Variants in NEMP1 observed in about 807,000 individuals in gnomAD.
NEMP1 encodes the protein nuclear envelope integral membrane protein 1.
In NEMP1, 29 loss-of-function variants were observed where a neutral mutation model predicts 53.7. That is an observed-to-expected ratio of 0.54 (90% CI 0.40 to 0.74). The LOEUF is 0.74. NEMP1 is among the 30% of genes least tolerant of loss of function. The pLI is 0.00. For synonymous variants in NEMP1, 193 were observed against 192.9 expected (o/e 1.00, Z 0.00); for missense variants, 477 against 528.6 (o/e 0.90, Z 0.96).
At chr12:57,087,913 A>G (rs903301046) in intron 1 of NEMP1, 1 of 151,996 alleles carries the variant, frequency 6.6e-6, no homozygotes, top group Non-Finnish European at 1.5e-5. Context: ...GCCTCCCCCA[A>G]CAGCCCTCCC....
chr12:57,079,627 T>C (rs2032782288), upstream of NEMP1, among the ~76,000 whole-genome samples: 1 of 152,320 alleles, frequency 6.6e-6, no homozygotes, highest in African/African-American at 2.4e-5. Context: ...GTTCAGAAAC[T>C]GTTAGTAGAA....
chr12:57,055,970 TTGTTA>T lies in NEMP1; in HGVS notation c.*3904_*3908del, dbSNP rs2031503790. ...TTCTAATATTCACATTATGAACTAT[TTGTTA>T]TGTTGTCATAAGAATGTGCTCATGC... On this transcript the variant is annotated 3_prime_UTR_variant, in exon 9 of 9. Coordinates refer to ENST00000300128, the MANE Select transcript of NEMP1 (RefSeq NM_001130963.2). 1 of 152,268 alleles carries T rather than the reference TTGTTA, an allele frequency of 6.6e-6. No homozygotes were observed. The highest frequency in any genetic ancestry group is 1.5e-5 in the Non-Finnish European group (1 of 68,046). The allele number at this position is 152,268 out of a possible 1,614,324, so 9.4% of individuals were successfully genotyped here.
intron 1 of NEMP1, among the ~76,000 whole-genome samples, chr12:57,074,506 T>C (rs1423634278): frequency 6.6e-6 from 1 of 151,358 alleles, no homozygotes; most frequent in Non-Finnish European, 1.5e-5. Context: ...GGTTTCACCA[T>C]GTTGGCCAGA....
chr12:57,086,916 T>C (rs1565670389), intron 1 of NEMP1, among the ~76,000 whole-genome samples: 1 of 152,224 alleles, frequency 6.6e-6, no homozygotes. Flanking sequence ...TTCTACAATT[T>C]AGAGAGTTTT....
chr12:57,074,839 G>A (rs2032525224), intron 1 of NEMP1, among the ~76,000 whole-genome samples: 2 of 151,798 alleles, frequency 1.3e-5, no homozygotes, highest in African/African-American at 4.8e-5. Context: ...TGAAATCCCA[G>A]CACTTGGGGA....
intron 1 of NEMP1, among the ~76,000 whole-genome samples, chr12:57,077,188 C>T (rs982661917): frequency 5.3e-5 from 8 of 151,628 alleles, no homozygotes; most frequent in African/African-American, 1.9e-4. Flanking sequence ...AAAAATTAGC[C>T]GGGCGTGGTG....
At chr12:57,069,104 A>C (rs902391358) in intron 4 of NEMP1, 130 bp downstream of exon 4, 4 of 535,916 alleles carry the variant, frequency 7.5e-6, no homozygotes, top group East Asian at 3.3e-5. Context: ...ATTTTTTTAA[A>C]TATCCAAGCA....
upstream of NEMP1, among the ~76,000 whole-genome samples, chr12:57,083,357 G>A (rs534172423): frequency 5.3e-5 from 8 of 152,306 alleles, no homozygotes; most frequent in East Asian, 1.5e-3. Flanking sequence ...TTTTAATGAG[G>A]ACACTGCTCA....
Position 57,060,797 on chromosome 12 carries a change from C to G in NEMP1, c.1129G>C (p.Val377Leu), listed in dbSNP as rs757147384. The change falls in exon 8 of 9, where the codon GTT becomes CTT. Residue 377 changes from valine (V) to leucine (L), a missense_variant. By Grantham distance (32) the Val-to-Leu change is conservative. Coordinates refer to ENST00000300128, the MANE Select transcript of NEMP1 (RefSeq NM_001130963.2). ...NSPDCSAWKT[V>L]SRIQSPKRFA... ...CTTTTTGGAGACTGGATTCGAGAAA[C>G]AGTCTTCCAAGCAGAGCAGTCTGGA... The G allele has an allele frequency of 2.0e-5, 32 of 1,612,250 alleles. No individual in the cohort carries two copies. The Admixed American group carries it at 5.0e-4, about 25-fold the overall frequency.
chr12:57,088,425 C>G (rs2033080484), upstream of NEMP1, among the ~76,000 whole-genome samples: 2 of 152,332 alleles, frequency 1.3e-5, no homozygotes, highest in South Asian at 4.1e-4. Context: ...CGCTCTCAGG[C>G]CCGCCTTAAG....
intron 4 of NEMP1, among the ~76,000 whole-genome samples, chr12:57,066,114 G>A (rs1366099893): frequency 6.6e-6 from 1 of 151,978 alleles, no homozygotes; most frequent in Non-Finnish European, 1.5e-5. Context: ...AATTAGCTGG[G>A]TGTGGTGGCA....
rs1369735183 is a variant in NEMP1, at chr12:57,070,834, C to A, written c.312G>T (p.Leu104=). The A allele has an allele frequency of 6.2e-7, 1 of 1,614,186 alleles. No individual in the cohort carries two copies. Among genetic ancestry groups the A allele is most frequent in the Non-Finnish European group, 8.5e-7 (1 of 1,180,036 alleles). Residue 104 remains leucine (L), a synonymous_variant, in exon 3 of 9, where the codon CTG becomes CTT. Coordinates refer to ENST00000300128, the MANE Select transcript of NEMP1 (RefSeq NM_001130963.2). The stretch of plus-strand genomic sequence containing the variant: ...AGATACTAAACTGCTCTAGCTCCTT[C>A]AGTTTCTCCTCATTCTCCACCTGGG... ...RVTQVENEEK[L]KELEQFSIWN... is the part of the protein sequence containing the mutation.
chr12:57,072,997 T>C (rs2032422547), intron 1 of NEMP1, 85 bp from the exon 2 acceptor site: 1 of 1,277,532 alleles, frequency 7.8e-7, no homozygotes, highest in Non-Finnish European at 1.0e-6. Flanking sequence ...AACTAACCAT[T>C]TTCCTAAACT....
chr12:57,079,696 A>G (rs574470332), upstream of NEMP1, among the ~76,000 whole-genome samples: 4 of 152,300 alleles, frequency 2.6e-5, no homozygotes, highest in South Asian at 2.1e-4. Flanking sequence ...TACAGATGAT[A>G]GAGCCAAATG....
chr12:57,077,509 A>T (rs1264307431), intron 1 of NEMP1, among the ~76,000 whole-genome samples: 1 of 152,072 alleles, frequency 6.6e-6, no homozygotes, highest in South Asian at 2.1e-4. Flanking sequence ...AAACAAACAA[A>T]CAAACAAAAA....
chr12:57,059,880 T>C lies in NEMP1; in HGVS notation c.1334A>G (p.Ter445TrpextTer28), dbSNP rs1414479418. ...PAITQNNFLT[*>W] ...CACGTAAAGATAACTGACCACTACC[T>C]AGGTTAGAAAGTTGTTCTGTGTGAT... Residue 445 changes from the stop codon to tryptophan, a stop_lost, in exon 9 of 9, where the codon TAG becomes TGG. Transcript: ENST00000300128. 1 of 1,612,746 alleles carries C rather than the reference T, an allele frequency of 6.2e-7. No individual in the cohort carries two copies. The highest frequency in any genetic ancestry group is 1.3e-5 in the African/African-American group (1 of 74,850).
At chr12:57,088,432 T>G (rs1366025378), upstream of NEMP1, among the ~76,000 whole-genome samples, 1 of 152,122 alleles carries the variant, frequency 6.6e-6, no homozygotes, top group Non-Finnish European at 1.5e-5. Context: ...AGGCCCGCCT[T>G]AAGTGCACAC....
At chr12:57,067,421 G>C (rs531186073) in intron 4 of NEMP1, among the ~76,000 whole-genome samples, 51 of 152,142 alleles carry the variant, frequency 3.4e-4, no homozygotes, top group African/African-American at 1.2e-3. Context: ...CACTGATTAT[G>C]GATCACCATA....
At chr12:57,065,612 A>G (rs575289013) in intron 4 of NEMP1, among the ~76,000 whole-genome samples, 198 of 147,288 alleles carry the variant, frequency 1.3e-3, no homozygotes, top group African/African-American at 4.7e-3. Flanking sequence ...GCCTTGATCT[A>G]CTGGGCCCAG....
Sources: allele counts gnomAD v4.1 joint callset (sites outside exome capture counted in the v4.1 genomes callset), GRCh38; gene constraint gnomAD v4.1.1; transcripts MANE v1.5; gene names NCBI Gene and HGNC (gene_info 2026-07-23, HGNC 2026-07-21).